Variants in PDE4B observed in about 807,000 individuals in gnomAD.
The protein encoded by PDE4B is phosphodiesterase 4B.
PDE4B carries 20 observed loss-of-function variants against 82.2 expected under a neutral mutation model. The ratio of observed to expected loss-of-function variants is 0.24; its 90% CI spans 0.17 to 0.35. PDE4B has a LOEUF of 0.35. PDE4B is among the 10% of genes least tolerant of loss of function. The probability of loss-of-function intolerance (pLI) is 1.00; values close to 1 mark genes in which losing one functional copy is unlikely to be tolerated. For missense variants in PDE4B, 655 were observed against 907.2 expected (o/e 0.72, Z 3.57); for synonymous variants, 320 against 318.9 (o/e 1.00, Z -0.04).
chr1:65,889,295 G>C (rs1457635134), intron 1 of PDE4B, among the ~76,000 whole-genome samples: 2 of 152,024 alleles, frequency 1.3e-5, no homozygotes, highest in Admixed American at 6.6e-5. Context: ...ACTTGATCAT[G>C]GTGTATTATC....
chr1:66,218,152 G>C (rs1650652645), intron 3 of PDE4B, among the ~76,000 whole-genome samples: 1 of 152,080 alleles, frequency 6.6e-6, no homozygotes, highest in Admixed American at 6.6e-5. Flanking sequence ...TCTAGTGCAT[G>C]GGAACTGCAG....
chr1:66,070,787 G>T (rs1241187107), intron 3 of PDE4B, among the ~76,000 whole-genome samples: 8 of 151,968 alleles, frequency 5.3e-5, no homozygotes, highest in Non-Finnish European at 1.2e-4. Flanking sequence ...GATTAAAATT[G>T]TTATACTTTA....
intron 1 of PDE4B, among the ~76,000 whole-genome samples, chr1:65,864,217 T>C (rs1646485545): frequency 6.6e-6 from 1 of 152,020 alleles, no homozygotes; most frequent in Non-Finnish European, 1.5e-5. Context: ...CACCGAGTCA[T>C]TTATGTTCTT....
rs12040524 is a variant in PDE4B, at chr1:66,190,653, T to A, written c.282-56807T>A. ...CCTCTGAGCCAGGCGTGGGATATAATCTCCTGGTATGCCATTTGCTAAGAC... is the reference window on the plus strand; with the variant it reads ...CCTCTGAGCCAGGCGTGGGATATAAACTCCTGGTATGCCATTTGCTAAGAC... On this transcript the variant is annotated intron_variant, in intron 3 of 16. Coordinates refer to ENST00000341517, the MANE Select transcript of PDE4B (RefSeq NM_002600.4). Among the ~76,000 whole-genome samples, 1,947 of 152,248 alleles carry A rather than the reference T, an allele frequency of 0.013. 93 individuals are homozygous for A. In the East Asian group the frequency reaches 0.15, roughly 12 times the overall value.
chr1:66,231,297 C>T (rs1651929576), intron 3 of PDE4B, among the ~76,000 whole-genome samples: 1 of 152,170 alleles, frequency 6.6e-6, no homozygotes, highest in East Asian at 1.9e-4. Flanking sequence ...AACAGTAATC[C>T]ATCTGTGAGT....
intron 3 of PDE4B, among the ~76,000 whole-genome samples, chr1:65,934,230 C>T (rs573836290): frequency 9.4e-4 from 143 of 152,264 alleles, no homozygotes; most frequent in African/African-American, 3.2e-3. Flanking sequence ...AGGAGGATTA[C>T]TTGAGCCCAG....
rs114920254 is a variant in PDE4B at position 66,288,323 on chromosome 1, C to G, written c.634+22236C>G. ...GCTAAACCATTGATGAGAAAACCAA[C>G]CACATGATTCAGTCACTTTCAACCA... On this transcript the variant is annotated intron_variant, in intron 7 of 16. Transcript: ENST00000341517. 3.8e-3 allele frequency among the ~76,000 whole-genome samples: 578 copies of G among 152,204 alleles called. 3 individuals are homozygous for G. The highest frequency in any genetic ancestry group is 0.013 in the African/African-American group (553 of 41,528).
At position 66,368,018 on chromosome 1, in the gene PDE4B, A is replaced by G; in HGVS notation, c.1615A>G (p.Thr539Ala). 6.2e-7 allele frequency: 1 copy of G among 1,613,936 alleles called. No individual in the cohort carries two copies. The highest frequency in any genetic ancestry group is 8.5e-7 in the Non-Finnish European group (1 of 1,179,868). Reference sequence around the variant, plus strand: ...GACAATGGTAGAAACGAAGAAAGTTACAAGTTCAGGCGTTCTTCTCCTAGA... The same window carrying G: ...GACAATGGTAGAAACGAAGAAAGTTGCAAGTTCAGGCGTTCTTCTCCTAGA... ...LKTMVETKKV[T>A]SSGVLLLDNY... The change falls in exon 15 of 17, where the codon ACA (threonine) becomes GCA (alanine). Residue 539 changes from threonine (T) to alanine (A), a missense_variant. This residue lies in a region of PDE4B where 283 missense variants were observed against 516.4 expected (regional missense o/e 0.55). Transcript: ENST00000341517.
rs552986327 is a variant in PDE4B, at chr1:65,963,379, C to T, written c.281+44544C>T. 3.5e-4 allele frequency among the ~76,000 whole-genome samples: 53 copies of T among 152,298 alleles called. 2 individuals carry two copies. The South Asian group carries it at 9.7e-3, about 28-fold the overall frequency. On this transcript the variant is annotated intron_variant, in intron 3 of 16. Coordinates refer to ENST00000341517, the MANE Select transcript of PDE4B (RefSeq NM_002600.4). ...TTCCTCCCCAGCATGCCCAGCACAG[C>T]GAGGAGAATGTCGCAGCTGTCAGTA... is the stretch of plus-strand genomic sequence containing the variant.
chr1:66,208,938 T>G (rs1453501340), intron 3 of PDE4B, among the ~76,000 whole-genome samples: 1 of 152,184 alleles, frequency 6.6e-6, no homozygotes, highest in Admixed American at 6.6e-5. Context: ...ATGCCCAAAT[T>G]TCTTAATGAC....
At chr1:65,998,003 A>AT (rs1651646416) in intron 3 of PDE4B, among the ~76,000 whole-genome samples, 1 of 152,132 alleles carries the variant, frequency 6.6e-6, no homozygotes, top group Admixed American at 6.6e-5. Context: ...CAGGAAAGGT[A>AT]TTTTTTGGCC....
chr1:66,314,791 T>C (rs1051921182), intron 7 of PDE4B, among the ~76,000 whole-genome samples: 1 of 152,222 alleles, frequency 6.6e-6, no homozygotes, highest in African/African-American at 2.4e-5. Context: ...GCCATGCCAT[T>C]CCGCGTATGG....
intron 6 of PDE4B, among the ~76,000 whole-genome samples, chr1:66,261,580 T>G (rs1281688301): frequency 7.9e-5 from 12 of 152,200 alleles, no homozygotes; most frequent in Non-Finnish European, 5.9e-5. Context: ...GAAAAGGAAC[T>G]CCCACATAGA....
At chr1:66,027,914 G>A (rs1653538958) in intron 3 of PDE4B, among the ~76,000 whole-genome samples, 1 of 152,218 alleles carries the variant, frequency 6.6e-6, no homozygotes, top group Non-Finnish European at 1.5e-5. Context: ...ACAGGTGGGT[G>A]TTGAGTATCT....
At chr1:66,251,510 T>G (rs1179969130) in intron 4 of PDE4B, among the ~76,000 whole-genome samples, 6 of 152,214 alleles carry the variant, frequency 3.9e-5, no homozygotes, top group Non-Finnish European at 2.9e-5. Flanking sequence ...TTAGGAACTT[T>G]GTGAACAAAT....
intron 3 of PDE4B, among the ~76,000 whole-genome samples, chr1:66,074,458 A>C (rs1187358480): frequency 6.6e-6 from 1 of 152,180 alleles, no homozygotes; most frequent in African/African-American, 2.4e-5. Context: ...CAATGCCTTT[A>C]TTTAAATTGT....
chr1:65,910,236 G>C, intron 1 of PDE4B, among the ~76,000 whole-genome samples: 1 of 152,192 alleles, frequency 6.6e-6, no homozygotes, highest in East Asian at 1.9e-4. Context: ...AGGCAGCAGA[G>C]GTTCCTGAAA....
Position 65,966,569 on chromosome 1 carries a change from A to C in PDE4B, c.281+47734A>C, listed in dbSNP as rs571773735. Among the ~76,000 whole-genome samples, 56 of 152,290 alleles carry C rather than the reference A, an allele frequency of 3.7e-4. 2 individuals are homozygous for C. In the South Asian group the frequency reaches 0.012, roughly 32 times the overall value. ...TTACTTTAAATTTTACATGGAACCA[A>C]AAAAGAGCTCGTATAGCCAAGACAA... On this transcript the variant is annotated intron_variant, in intron 3 of 16. Coordinates refer to ENST00000341517, the MANE Select transcript of PDE4B (RefSeq NM_002600.4).
chr1:66,090,294 A>G (rs746813351), intron 3 of PDE4B, among the ~76,000 whole-genome samples: 9 of 151,888 alleles, frequency 5.9e-5, no homozygotes, highest in Non-Finnish European at 1.0e-4. Flanking sequence ...TATAAAGCCT[A>G]TTTCTTCCAG....
Sources: gnomAD v4.1 joint callset for allele counts (sites outside exome capture counted in the v4.1 genomes callset) on GRCh38, gnomAD v4.1.1 for gene constraint, gnomAD v4.1.1 regional missense constraint, MANE v1.5 for transcripts, NCBI Gene and HGNC (gene_info 2026-07-23, HGNC 2026-07-21) for gene names.